GFOD1: variants seen among roughly 807,000 people sequenced by gnomAD.
GFOD1 encodes Gfo/Idh/MocA-like oxidoreductase domain containing 1, also known as glucose-fructose oxidoreductase domain-containing protein 1.
GFOD1 carries 9 observed loss-of-function variants against 25.4 expected under a neutral mutation model. The ratio of observed to expected loss-of-function variants is 0.35; its 90% CI spans 0.21 to 0.62. The LOEUF (loss-of-function observed/expected upper bound fraction) is 0.62, where lower values mean the gene tolerates loss of function less well. Ranked by LOEUF, GFOD1 falls within the 20% of genes least tolerant of loss-of-function variation. The pLI, the probability that GFOD1 is intolerant of heterozygous loss-of-function variation, is 0.72. For missense variants in GFOD1, 403 were observed against 556.9 expected (o/e 0.72, Z 2.78); for synonymous variants, 253 against 245.6 (o/e 1.03, Z -0.28).
chr6:13,448,867 G>GTTT, intron 1 of GFOD1, among the ~76,000 whole-genome samples: 1 of 152,260 alleles, frequency 6.6e-6, no homozygotes, highest in South Asian at 2.1e-4. Context: ...CCCTAGCTCT[G>GTTT]GAGACAGAAC....
chr6:13,404,201 G>A (rs1785904147), intron 1 of GFOD1, among the ~76,000 whole-genome samples: 1 of 152,132 alleles, frequency 6.6e-6, no homozygotes, highest in Non-Finnish European at 1.5e-5. Context: ...TCTGAGATGG[G>A]GAACCATTTA....
intron 1 of GFOD1, among the ~76,000 whole-genome samples, chr6:13,410,623 A>AGG (rs1786060741): frequency 1.3e-5 from 2 of 148,600 alleles, no homozygotes; most frequent in East Asian, 4.0e-4. Flanking sequence ...AGGAAGGAAG[A>AGG]AAGGAAGAAA....
At chr6:13,424,504 T>C (rs1786316914) in intron 1 of GFOD1, among the ~76,000 whole-genome samples, 1 of 152,184 alleles carries the variant, frequency 6.6e-6, no homozygotes, top group African/African-American at 2.4e-5. Context: ...ACTTTAATAC[T>C]TACCCTAAAT....
At chr6:13,467,658 C>A (rs1758400583) in intron 1 of GFOD1, among the ~76,000 whole-genome samples, 1 of 152,222 alleles carries the variant, frequency 6.6e-6, no homozygotes, top group African/African-American at 2.4e-5. Flanking sequence ...ATGAAGCCAA[C>A]AAGAGCTTCA....
chr6:13,415,219 T>C lies in GFOD1; in HGVS notation c.254-49557A>G, dbSNP rs375877291. On this transcript the variant is annotated intron_variant, in intron 1 of 1. Transcript: ENST00000379287. ...ACACCTAACTTTTCTCAGGTCCTCC[T>C]AAAGCCAATCCCCTCCCGTCTTCCA... 1.1e-4 allele frequency among the ~76,000 whole-genome samples: 16 copies of C among 152,280 alleles called. No individual in the cohort carries two copies. In the East Asian group the frequency reaches 2.7e-3, roughly 26 times the overall value.
Position 13,378,776 on chromosome 6 carries a change from C to T in GFOD1, c.254-13114G>A, listed in dbSNP as rs148709932. ...AGCCACTGCGGGATCACATTAACCC[C>T]ACCTCCTGCAGCCTAGGAACGCATG... On this transcript the variant is annotated intron_variant, in intron 1 of 1. Coordinates refer to ENST00000379287, the MANE Select transcript of GFOD1 (RefSeq NM_018988.4). Among the ~76,000 whole-genome samples, 1,266 of 152,310 alleles carry T rather than the reference C, an allele frequency of 8.3e-3. 21 individuals carry two copies. The highest frequency in any genetic ancestry group is 0.029 in the African/African-American group (1,202 of 41,556).
At chr6:13,387,567 GC>G (rs1221983439) in intron 1 of GFOD1, among the ~76,000 whole-genome samples, 22 of 152,088 alleles carry the variant, frequency 1.4e-4, no homozygotes, top group Non-Finnish European at 3.1e-4. Flanking sequence ...AAATCCAACA[GC>G]CCTTCATGCT....
chr6:13,394,996 TG>T (rs1785699741), intron 1 of GFOD1, among the ~76,000 whole-genome samples: 1 of 152,144 alleles, frequency 6.6e-6, no homozygotes, highest in African/African-American at 2.4e-5. Flanking sequence ...TTTCCCTGGC[TG>T]GTCTTGAACT....
Position 13,487,090 on chromosome 6 carries a change from C to A in GFOD1, c.-200G>T, listed in dbSNP as rs1441729141. The A allele has an allele frequency of 3.3e-6, 2 of 605,242 alleles. No homozygotes were observed. The highest frequency in any genetic ancestry group is 5.7e-6 in the Non-Finnish European group (2 of 353,264). 37.5% of individuals were successfully genotyped at this position (605,242 alleles called of 1,614,324 possible). ...GGAGCAAGCTCGGGGCGCCTCAGAA[C>A]GGTGACTGCGGCAGTGTCCGCCACG... On this transcript the variant is annotated 5_prime_UTR_variant, in exon 1 of 2. Coordinates refer to ENST00000379287, the MANE Select transcript of GFOD1 (RefSeq NM_018988.4). This position sits in a 1 kb window ranked among gnomAD's most constrained non-coding sequence, Gnocchi z 4.9.
At position 13,361,426 on chromosome 6, in the gene GFOD1, C is replaced by T. The variant is rs1215230778; in HGVS notation, c.*3317G>A. 2 of 154,944 alleles carry T rather than the reference C, an allele frequency of 1.3e-5. No homozygotes were observed. The highest frequency in any genetic ancestry group is 4.8e-5 in the African/African-American group (2 of 41,436). 9.6% of individuals were successfully genotyped at this position (154,944 alleles called of 1,614,324 possible). ...TGGGAAGACTCTTAAAGCACTGCCT[C>T]CTTGCATCGAGGCCCTTGAAACACA... On this transcript the variant is annotated 3_prime_UTR_variant, in exon 2 of 2. Transcript: ENST00000379287.
chr6:13,486,879 C>A lies in GFOD1; in HGVS notation c.12G>T (p.Gly4=). Residue 4 remains glycine, a synonymous_variant, in exon 1 of 2, where the codon GGG becomes GGT. Transcript: ENST00000379287. The part of the protein sequence containing the change: MLP[G]VGVFGTSLTA... ...TGAGGCTGGTGCCGAACACGCCCAC[C>A]CCGGGAAGCATGGCTGCTCAGAGCC... 6.2e-7 allele frequency: 1 copy of A among 1,610,530 alleles called. No homozygotes were observed. The highest frequency in any genetic ancestry group is 1.3e-5 in the African/African-American group (1 of 75,066).
chr6:13,441,165 GC>G (rs1757909129), intron 1 of GFOD1, among the ~76,000 whole-genome samples: 2 of 152,180 alleles, frequency 1.3e-5, no homozygotes, highest in African/African-American at 2.4e-5. Flanking sequence ...CCCACACTGG[GC>G]CCAAGTTTAT....
intron 1 of GFOD1, among the ~76,000 whole-genome samples, chr6:13,429,001 G>A (rs78465586): frequency 6.6e-6 from 1 of 152,332 alleles, no homozygotes; most frequent in East Asian, 1.9e-4. Flanking sequence ...AAGTCCCTGA[G>A]CACGTGAGCC....
chr6:13,385,473 G>A (rs1356757058), intron 1 of GFOD1, among the ~76,000 whole-genome samples: 1 of 152,196 alleles, frequency 6.6e-6, no homozygotes, highest in Non-Finnish European at 1.5e-5. Context: ...CTGTTCTGCT[G>A]GGGCTGTGGA....
chr6:13,451,092 C>G (rs6931031), intron 1 of GFOD1, among the ~76,000 whole-genome samples: 13,928 of 152,240 alleles, frequency 0.091, 1,986 homozygotes, highest in African/African-American at 0.3. Flanking sequence ...ACACTTCGGG[C>G]AACTCCTGCC....
At chr6:13,388,991 C>T (rs1384602152) in intron 1 of GFOD1, among the ~76,000 whole-genome samples, 1 of 152,200 alleles carries the variant, frequency 6.6e-6, no homozygotes, top group African/African-American at 2.4e-5. Flanking sequence ...GACATTAATG[C>T]AGCCAACAGA....
chr6:13,375,000 C>T (rs184399761), intron 1 of GFOD1, among the ~76,000 whole-genome samples: 2 of 152,248 alleles, frequency 1.3e-5, no homozygotes, highest in South Asian at 2.1e-4. Context: ...ACCTTGACCT[C>T]CCAAAGTGCT....
chr6:13,423,730 C>T (rs1786300089), intron 1 of GFOD1, among the ~76,000 whole-genome samples: 1 of 152,212 alleles, frequency 6.6e-6, no homozygotes, highest in African/African-American at 2.4e-5. Flanking sequence ...CACTACATGG[C>T]CCTACATGAA....
At chr6:13,486,517 G>C in intron 1 of GFOD1, 121 bp downstream of exon 1, 3 of 811,310 alleles carry the variant, frequency 3.7e-6, no homozygotes, top group South Asian at 1.7e-5. Context: ...TCAGATCCCC[G>C]GGGCAGCGTA....
Sources: gnomAD v4.1 joint callset for allele counts (sites outside exome capture counted in the v4.1 genomes callset) on GRCh38, gnomAD v4.1.1 for gene constraint, Gnocchi (gnomAD v3.1) non-coding constraint, MANE v1.5 for transcripts, NCBI Gene and HGNC (gene_info 2026-07-23, HGNC 2026-07-21) for gene names.